The following UBE3A variants were observed in gnomAD, a reference collection of about 807,000 sequenced individuals.
UBE3A encodes the protein ubiquitin protein ligase E3A.
Under a neutral mutation model 83.4 loss-of-function variants are expected in UBE3A, and 6 were observed. The ratio of observed to expected loss-of-function variants is 0.07; its 90% CI spans 0.04 to 0.14. The LOEUF (loss-of-function observed/expected upper bound fraction) is 0.14. UBE3A is among the 10% of genes least tolerant of loss of function. The probability of loss-of-function intolerance (pLI) is 1.00; values close to 1 mark genes in which losing one functional copy is unlikely to be tolerated. For synonymous variants in UBE3A, 337 were observed against 355.4 expected (o/e 0.95, Z 0.58); for missense variants, 456 against 1,036.1 (o/e 0.44, Z 7.69).
intron 6 of UBE3A, among the ~76,000 whole-genome samples, chr15:25,366,638 A>G (rs932652204): frequency 1.3e-5 from 2 of 152,188 alleles, no homozygotes; most frequent in Non-Finnish European, 2.9e-5. Flanking sequence ...CAAGTTTCAC[A>G]TCATCATCAT....
intron 1 of UBE3A, among the ~76,000 whole-genome samples, chr15:25,426,867 G>A (rs1484719735): frequency 6.6e-6 from 1 of 151,778 alleles, no homozygotes; most frequent in Non-Finnish European, 1.5e-5. Flanking sequence ...CACCGCGGCT[G>A]GAGTGCAGTG....
rs144646946 is a variant in UBE3A at position 25,376,407 on chromosome 15, G to C, written c.63-644C>G. ...ACTGTAATCAATCCCATAACTGTGG[G>C]AGGCTGAGGCAGGCCGACTACTTGA... On this transcript the variant is annotated intron_variant, in intron 4 of 12. Coordinates refer to ENST00000648336, the MANE Select transcript of UBE3A (RefSeq NM_130839.5). 3.5e-3 allele frequency among the ~76,000 whole-genome samples: 537 copies of C among 152,276 alleles called. 4 individuals are homozygous for C. The highest frequency in any genetic ancestry group is 4.4e-3 in the Non-Finnish European group (300 of 68,028).
chr15:25,362,303 T>C (rs2078243276), intron 6 of UBE3A, among the ~76,000 whole-genome samples: 1 of 152,214 alleles, frequency 6.6e-6, no homozygotes, highest in Non-Finnish European at 1.5e-5. Flanking sequence ...CGATCTCTAA[T>C]ATTTACAAAA....
intron 2 of UBE3A, among the ~76,000 whole-genome samples, chr15:25,410,829 T>C (rs1340328201): frequency 6.6e-6 from 1 of 152,122 alleles, no homozygotes; most frequent in Non-Finnish European, 1.5e-5. Context: ...AACTTAGACA[T>C]TGCTGAGGTC....
At chr15:25,348,749 C>A (rs757261937) in intron 11 of UBE3A, among the ~76,000 whole-genome samples, 15 of 152,044 alleles carry the variant, frequency 9.9e-5, no homozygotes, top group Non-Finnish European at 2.2e-4. Context: ...TTATTCCTAA[C>A]CAAAGAGTAC....
chr15:25,430,595 A>T (rs1039912316), intron 1 of UBE3A, among the ~76,000 whole-genome samples: 1 of 151,834 alleles, frequency 6.6e-6, no homozygotes, highest in African/African-American at 2.4e-5. Context: ...ATCACTATTT[A>T]AAATTACTTT....
At position 25,340,236 on chromosome 15, in the gene UBE3A, G is replaced by GA. The variant is rs1566826381; in HGVS notation, c.2355-9dup. On this transcript the variant is annotated splice_polypyrimidine_tract_variant and intron_variant, in intron 11 of 12. Coordinates refer to ENST00000648336, the MANE Select transcript of UBE3A (RefSeq NM_130839.5). ...ACGATTTCCCAGAACTCCCTAATGAGAAAAAATACAATACTGGTTTCAGTT... is the reference window on the plus strand; with the variant it reads ...ACGATTTCCCAGAACTCCCTAATGAGAAAAAAATACAATACTGGTTTCAGTT... 4.3e-6 allele frequency: 7 copies of GA among 1,611,618 alleles called. No individual in the cohort carries two copies. Among genetic ancestry groups the GA allele is most frequent in the East Asian group, 2.2e-5 (1 of 44,848 alleles).
intron 4 of UBE3A, among the ~76,000 whole-genome samples, chr15:25,395,868 C>CTT (rs2085441124): frequency 6.6e-6 from 1 of 152,148 alleles, no homozygotes; most frequent in African/African-American, 2.4e-5. Flanking sequence ...CATCTGGAAA[C>CTT]ATAGCCTTAG....
At chr15:25,395,196 A>G (rs1339912247) in intron 4 of UBE3A, among the ~76,000 whole-genome samples, 1 of 152,228 alleles carries the variant, frequency 6.6e-6, no homozygotes, top group East Asian at 1.9e-4. Flanking sequence ...TAGAGAGATC[A>G]CAGAAATGAA....
At chr15:25,349,497 C>T (rs996217007) in intron 11 of UBE3A, among the ~76,000 whole-genome samples, 2 of 151,930 alleles carry the variant, frequency 1.3e-5, no homozygotes, top group African/African-American at 2.4e-5. Flanking sequence ...CAGAAATGGG[C>T]CTTTTATATA....
chr15:25,427,846 TA>T (rs1891853414), intron 1 of UBE3A, among the ~76,000 whole-genome samples: 2 of 147,178 alleles, frequency 1.4e-5, no homozygotes, highest in Non-Finnish European at 3.0e-5. Context: ...ATTCAATAAT[TA>T]GGACGAATAG....
At chr15:25,355,169 T>C (rs2077052300) in intron 9 of UBE3A, among the ~76,000 whole-genome samples, 1 of 152,128 alleles carries the variant, frequency 6.6e-6, no homozygotes, top group South Asian at 2.1e-4. Context: ...TTTAAGAGAG[T>C]ACAATATATT....
At chr15:25,385,143 C>T (rs1246547214) in intron 4 of UBE3A, among the ~76,000 whole-genome samples, 1 of 152,076 alleles carries the variant, frequency 6.6e-6, no homozygotes, top group African/African-American at 2.4e-5. Flanking sequence ...ACAAAGCAAA[C>T]AGTAAATGGA....
intron 4 of UBE3A, among the ~76,000 whole-genome samples, chr15:25,387,508 C>A (rs1178011011): frequency 1.3e-5 from 2 of 151,088 alleles, no homozygotes; most frequent in East Asian, 3.9e-4. Context: ...GGCGACAAAG[C>A]GAGACTCCAT....
At chr15:25,405,645 A>C in intron 3 of UBE3A, 143 bp from the exon 4 acceptor site, 1 of 875,748 alleles carries the variant, frequency 1.1e-6, no homozygotes. Context: ...GTCAACATGA[A>C]AGAAAGTGGT....
In UBE3A at chr15:25,340,174, C is replaced by T. The variant is rs1663060829; in HGVS notation, c.2409G>A (p.Leu803=). 6.2e-7 allele frequency: 1 copy of T among 1,613,998 alleles called. No individual in the cohort carries two copies. The highest frequency in any genetic ancestry group is 1.3e-5 in the African/African-American group (1 of 75,018). The change falls in exon 12 of 13, where the codon TTG becomes TTA. Residue 803 remains leucine, a synonymous_variant. Transcript: ENST00000648336. Reference sequence around the variant, plus strand: ...CTCTGTCTGTGCCCGTTGTAAACTGCAAGAAGAGTCTTTTCTGTTCATCTG... The same window carrying T: ...CTCTGTCTGTGCCCGTTGTAAACTGTAAGAAGAGTCTTTTCTGTTCATCTG... The part of the protein sequence containing the change: ...SFTDEQKRLF[L]QFTTGTDRAP...
At chr15:25,435,231 TACACACAC>T (rs56786510) in intron 1 of UBE3A, among the ~76,000 whole-genome samples, 66 of 143,724 alleles carry the variant, frequency 4.6e-4, no homozygotes, top group Admixed American at 1.7e-3. Context: ...GATAGGGTTT[TACACACAC>T]ACACACACAC....
chr15:25,355,704 C>G (rs990604164), intron 9 of UBE3A, among the ~76,000 whole-genome samples, 188 bp downstream of exon 9: 10 of 152,122 alleles, frequency 6.6e-5, no homozygotes, highest in African/African-American at 2.4e-4. Flanking sequence ...GGCTTTAGTG[C>G]CCAACTGTGT....
In UBE3A at chr15:25,438,876, G is replaced by A. The variant is rs776279432; in HGVS notation, c.-552C>T. On this transcript the variant is annotated 5_prime_UTR_variant, in exon 1 of 13. Coordinates refer to ENST00000648336, the MANE Select transcript of UBE3A (RefSeq NM_130839.5). Reference sequence around the variant, plus strand: ...GCCCGCGCTGGCGGATGGCTACGCGGCGGAGGGGTGCGCGAGCGAGCGAAG... The same window carrying A: ...GCCCGCGCTGGCGGATGGCTACGCGACGGAGGGGTGCGCGAGCGAGCGAAG... The A allele has an allele frequency of 4.2e-4, 65 of 152,996 alleles. 1 individual carries two copies. The highest frequency in any genetic ancestry group is 1.2e-3 in the South Asian group (6 of 4,844). The allele number at this position is 152,996 out of a possible 1,614,324, so 9.5% of individuals were successfully genotyped here.
Sources: allele counts gnomAD v4.1 joint callset (sites outside exome capture counted in the v4.1 genomes callset), GRCh38; gene constraint gnomAD v4.1.1; transcripts MANE v1.5; gene names NCBI Gene and HGNC (gene_info 2026-07-23, HGNC 2026-07-21).